SCRG1: variants seen among roughly 807,000 people sequenced by gnomAD.
SCRG1 encodes scrapie-responsive protein 1.
A neutral mutation model predicts 7.7 loss-of-function variants in SCRG1; 3 were observed. The ratio of observed to expected loss-of-function variants is 0.39; its 90% CI spans 0.18 to 1.01. The LOEUF (loss-of-function observed/expected upper bound fraction) is 1.01. Ranked by LOEUF, SCRG1 falls within the 50% of genes least tolerant of loss-of-function variation. The pLI, the probability that SCRG1 is intolerant of heterozygous loss-of-function variation, is 0.36. For synonymous variants in SCRG1, 46 were observed against 41.2 expected, an observed-to-expected ratio of 1.12 and a Z score of -0.44; for missense variants, 110 against 117.2, an observed-to-expected ratio of 0.94 and a Z score of 0.28.
At chr4:173,483,235 AATATATGATATATC>A in the SCRG1 span, among the ~76,000 whole-genome samples, 18 of 42,264 alleles carry the variant, frequency 4.3e-4, 1 homozygote, top group African/African-American at 1.3e-3. Flanking sequence ...TATTATATAT[AATATATGATATATC>A]ATATATGATA....
chr4:173,408,983 C>A (rs1425660051), upstream of SCRG1, among the ~76,000 whole-genome samples: 12 of 117,140 alleles, frequency 1.0e-4, no homozygotes, highest in Admixed American at 1.1e-3. Context: ...AAGAGCAAGA[C>A]TCAGTCTCAA....
the SCRG1 span, among the ~76,000 whole-genome samples, chr4:173,428,742 A>T: frequency 6.6e-6 from 1 of 152,234 alleles, no homozygotes; most frequent in African/African-American, 2.4e-5. Flanking sequence ...ACCATCTATT[A>T]TGTGGTGGAT....
the SCRG1 span, among the ~76,000 whole-genome samples, chr4:173,463,195 T>G: frequency 6.6e-6 from 1 of 152,240 alleles, no homozygotes; most frequent in East Asian, 1.9e-4. Context: ...GGTGTAGGAA[T>G]AAGGTTGAAG....
At chr4:173,481,508 C>T in the SCRG1 span, among the ~76,000 whole-genome samples, 18 of 152,054 alleles carry the variant, frequency 1.2e-4, no homozygotes, top group South Asian at 4.1e-4. Flanking sequence ...GTTTGAACTG[C>T]GAGGGTCCGC....
chr4:173,505,812 G>C, the SCRG1 span, among the ~76,000 whole-genome samples: 1 of 152,212 alleles, frequency 6.6e-6, no homozygotes, highest in South Asian at 2.1e-4. This position sits in a 1 kb window ranked among gnomAD's most constrained non-coding sequence, Gnocchi z 4.4. Context: ...TTGGAAGGTG[G>C]AGCTCCTGGA....
the SCRG1 span, among the ~76,000 whole-genome samples, chr4:173,460,796 T>A: frequency 8.5e-5 from 13 of 152,272 alleles, no homozygotes; most frequent in East Asian, 1.4e-3. Flanking sequence ...GATTCTTGGA[T>A]GGCATTTCTG....
the SCRG1 span, among the ~76,000 whole-genome samples, chr4:173,441,045 A>G: frequency 2.0e-5 from 3 of 148,548 alleles, no homozygotes; most frequent in Admixed American, 2.0e-4. Context: ...GTAGACATTA[A>G]TTTGGGGGTG....
upstream of SCRG1, among the ~76,000 whole-genome samples, chr4:173,408,138 A>G (rs543744492): frequency 6.6e-6 from 1 of 152,320 alleles, no homozygotes; most frequent in South Asian, 2.1e-4. Context: ...CTCTAAACAC[A>G]TGAAATATAT....
chr4:173,451,634 TTTTATTTATTTATTTA>T, the SCRG1 span, among the ~76,000 whole-genome samples: 60 of 21,206 alleles, frequency 2.8e-3, no homozygotes, highest in African/African-American at 4.5e-3. Context: ...TACTTACTTA[TTTTATTTATTTATTTA>T]TTTATTTATT....
the SCRG1 span, among the ~76,000 whole-genome samples, chr4:173,483,235 A>ATATATGATATATC: frequency 7.1e-5 from 3 of 42,268 alleles, no homozygotes; most frequent in South Asian, 4.0e-3. Flanking sequence ...TATTATATAT[A>ATATATGATATATC]ATATATGATA....
the SCRG1 span, among the ~76,000 whole-genome samples, chr4:173,479,683 A>G: frequency 6.6e-6 from 1 of 151,052 alleles, no homozygotes; most frequent in Non-Finnish European, 1.5e-5. Context: ...TCAGTGATCC[A>G]CTCGCCTCCG....
At chr4:173,486,935 G>C in the SCRG1 span, among the ~76,000 whole-genome samples, 1 of 152,108 alleles carries the variant, frequency 6.6e-6, no homozygotes, top group Non-Finnish European at 1.5e-5. Context: ...TAGAAGCAGG[G>C]TGTTAATCCT....
chr4:173,418,688 G>T, the SCRG1 span, among the ~76,000 whole-genome samples: 1 of 152,152 alleles, frequency 6.6e-6, no homozygotes, highest in Non-Finnish European at 1.5e-5. Context: ...ATGTCAAATT[G>T]TAATTCTCAG....
the SCRG1 span, among the ~76,000 whole-genome samples, chr4:173,492,371 G>T: frequency 1.3e-5 from 2 of 151,982 alleles, no homozygotes; most frequent in African/African-American, 4.8e-5. Flanking sequence ...GATTGTTGAC[G>T]ACCTCTCCTG....
At chr4:173,402,146 TTA>T (rs2126922681), upstream of SCRG1, among the ~76,000 whole-genome samples, 1 of 152,350 alleles carries the variant, frequency 6.6e-6, no homozygotes, top group East Asian at 1.9e-4. Flanking sequence ...AGTGAATCTT[TTA>T]TGTGACATAG....
At chr4:173,477,209 T>A in the SCRG1 span, among the ~76,000 whole-genome samples, 2 of 152,160 alleles carry the variant, frequency 1.3e-5, no homozygotes, top group African/African-American at 4.8e-5. Flanking sequence ...ATCTCGTGTC[T>A]CATATCTTAC....
the SCRG1 span, among the ~76,000 whole-genome samples, chr4:173,416,603 G>A: frequency 6.6e-6 from 1 of 152,226 alleles, no homozygotes. Flanking sequence ...GGGCAACAGA[G>A]TGGGACCCCG....
Position 173,389,771 on chromosome 4 carries a change from A to G in SCRG1, c.243-1376T>C. The stretch of plus-strand genomic sequence containing the variant: ...CACGTGGGTTCTAATCCCAGTGTTG[A>G]TATTAGCTAGTTATGTGGGATAGTA... On this transcript the variant is annotated intron_variant, in intron 2 of 2. Coordinates refer to ENST00000296506, the MANE Select transcript of SCRG1 (RefSeq NM_007281.4). 3 of 248,726 alleles carry G rather than the reference A, an allele frequency of 1.2e-5. No homozygotes were observed. In the South Asian group the frequency reaches 1.3e-4, roughly 10 times the overall value. 15.4% of individuals were successfully genotyped at this position (248,726 alleles called of 1,614,324 possible). A position where few individuals can be genotyped will look rare whatever the true frequency, so the allele number is the denominator to read the frequency against.
chr4:173,452,997 A>G, the SCRG1 span, among the ~76,000 whole-genome samples: 2 of 152,230 alleles, frequency 1.3e-5, no homozygotes, highest in Non-Finnish European at 2.9e-5. Context: ...TGCTGGCAGA[A>G]GACACAGGAC....
Sources: allele counts gnomAD v4.1 joint callset (sites outside exome capture counted in the v4.1 genomes callset), GRCh38; gene constraint gnomAD v4.1.1; non-coding constraint Gnocchi (gnomAD v3.1); transcripts MANE v1.5; gene names NCBI Gene and HGNC (gene_info 2026-07-23, HGNC 2026-07-21).